The following FHIT variants were observed in gnomAD, a reference collection of about 807,000 sequenced individuals.
FHIT encodes fragile histidine triad diadenosine triphosphatase.
In FHIT, 19 loss-of-function variants were observed where a neutral mutation model predicts 17.9. The ratio of observed to expected loss-of-function variants is 1.06; its 90% CI spans 0.74 to 1.56. FHIT has a LOEUF of 1.56. FHIT is among the 40% of genes most tolerant of loss of function. The pLI, the probability that FHIT is intolerant of heterozygous loss-of-function variation, is 0.00. For missense variants in FHIT, 248 were observed against 189.2 expected (o/e 1.31, Z -1.82); for synonymous variants, 81 against 69.7 (o/e 1.16, Z -0.81).
chr3:59,817,809 A>G (rs547126066), intron 8 of FHIT, among the ~76,000 whole-genome samples: 1 of 152,258 alleles, frequency 6.6e-6, no homozygotes, highest in South Asian at 2.1e-4. Context: ...AAACATTCTC[A>G]TATTTCTTGT....
At chr3:59,897,999 A>C (rs1318901256) in intron 8 of FHIT, among the ~76,000 whole-genome samples, 2 of 151,756 alleles carry the variant, frequency 1.3e-5, no homozygotes, top group Admixed American at 6.6e-5. Flanking sequence ...GATCTCCTGA[A>C]CTTGTGATCT....
At chr3:59,818,156 A>G (rs955947363) in intron 8 of FHIT, among the ~76,000 whole-genome samples, 2 of 152,124 alleles carry the variant, frequency 1.3e-5, no homozygotes, top group African/African-American at 4.8e-5. Flanking sequence ...AGGGAGGCAG[A>G]AAACTTCAAA....
chr3:60,562,995 C>T (rs1447959), intron 4 of FHIT, among the ~76,000 whole-genome samples: 55,496 of 152,004 alleles, frequency 0.37, 10,454 homozygotes, highest in Admixed American at 0.48. Flanking sequence ...CAGAAATAAA[C>T]GCAAGCCATT....
intron 7 of FHIT, among the ~76,000 whole-genome samples, chr3:59,985,608 T>G (rs1194974865): frequency 6.6e-6 from 1 of 152,116 alleles, no homozygotes; most frequent in Non-Finnish European, 1.5e-5. Flanking sequence ...GGGCAATGAG[T>G]ACAACTTCAC....
chr3:61,051,733 T>C (rs1418597275), intron 2 of FHIT, among the ~76,000 whole-genome samples: 4 of 152,136 alleles, frequency 2.6e-5, no homozygotes, highest in Non-Finnish European at 5.9e-5. Flanking sequence ...TGCAAAGAGA[T>C]GTGGGGAGTC....
intron 8 of FHIT, among the ~76,000 whole-genome samples, chr3:59,808,064 C>T (rs72888510): frequency 0.024 from 3,720 of 151,936 alleles, 161 homozygotes; most frequent in African/African-American, 0.086. Flanking sequence ...AAACCCTGCA[C>T]CCATTAAGTG....
At chr3:61,176,357 C>T (rs1304510960) in intron 2 of FHIT, among the ~76,000 whole-genome samples, 1 of 152,192 alleles carries the variant, frequency 6.6e-6, no homozygotes, top group African/African-American at 2.4e-5. Context: ...TGTTGTTCTG[C>T]CACCAGGAAA....
At chr3:60,104,718 T>C (rs1474931186) in intron 5 of FHIT, among the ~76,000 whole-genome samples, 1 of 152,112 alleles carries the variant, frequency 6.6e-6, no homozygotes, top group African/African-American at 2.4e-5. Flanking sequence ...TAGACTTCTC[T>C]TTAAGACAGA....
intron 5 of FHIT, among the ~76,000 whole-genome samples, chr3:60,052,059 C>G (rs961455004): frequency 2.2e-4 from 33 of 152,118 alleles, no homozygotes; most frequent in African/African-American, 7.7e-4. Context: ...GGGGAAAAGT[C>G]ATACCCCATA....
At chr3:60,677,453 A>T (rs1412626855) in intron 4 of FHIT, among the ~76,000 whole-genome samples, 1 of 152,122 alleles carries the variant, frequency 6.6e-6, no homozygotes, top group Non-Finnish European at 1.5e-5. Context: ...ATGACCTCCT[A>T]TTCCATCCAT....
rs562768242 is a variant in FHIT, at chr3:60,470,176, C to T, written c.103+66684G>A. On this transcript the variant is annotated intron_variant, in intron 5 of 9. Coordinates refer to ENST00000492590, the MANE Select transcript of FHIT (RefSeq NM_002012.4). ...GGTCAGAAATGAAGCCAGCCTAACA[C>T]TGGGTCTCACCCAAGGCCTACAACA... Among the ~76,000 whole-genome samples the T allele has an allele frequency of 2.0e-5, 3 of 152,120 alleles. No homozygotes were observed. In the East Asian group the frequency reaches 5.9e-4, roughly 30 times the overall value.
chr3:59,987,576 C>T (rs3772497), intron 7 of FHIT, among the ~76,000 whole-genome samples: 64,457 of 151,838 alleles, frequency 0.42, 14,152 homozygotes, highest in Non-Finnish European at 0.48. Context: ...CAGTTTTATA[C>T]TGTAAGCTCA....
chr3:60,104,371 T>G (rs2107152484), intron 5 of FHIT, among the ~76,000 whole-genome samples: 1 of 152,316 alleles, frequency 6.6e-6, no homozygotes, highest in South Asian at 2.1e-4. Context: ...TGTAATTATC[T>G]TTGAAATGAC....
chr3:59,791,851 A>G (rs1157972070), intron 8 of FHIT, among the ~76,000 whole-genome samples: 1 of 152,188 alleles, frequency 6.6e-6, no homozygotes, highest in African/African-American at 2.4e-5. Flanking sequence ...AAAGACACCC[A>G]GAAAGTAGGG....
intron 3 of FHIT, among the ~76,000 whole-genome samples, chr3:60,832,948 A>C (rs1702385790): frequency 6.6e-6 from 1 of 152,218 alleles, no homozygotes; most frequent in African/African-American, 2.4e-5. Context: ...CTCAGTAGCC[A>C]TATATGTTGC....
At chr3:60,860,127 T>TAC (rs1703587922) in intron 3 of FHIT, among the ~76,000 whole-genome samples, 1 of 147,852 alleles carries the variant, frequency 6.8e-6, no homozygotes, top group Non-Finnish European at 1.5e-5. Flanking sequence ...ATAAATGATA[T>TAC]ATCTGATATA....
rs188727444 is a variant in FHIT at position 59,876,302 on chromosome 3, G to T, written c.348+46044C>A. On this transcript the variant is annotated intron_variant, in intron 8 of 9. Transcript: ENST00000492590. ...AAAAAAGATTATTTTTTCCTAAATG[G>T]CAATGTGAATTTCATGTGGCTTAAA... 1.0e-3 allele frequency among the ~76,000 whole-genome samples: 158 copies of T among 152,208 alleles called. 1 individual carries two copies. Among genetic ancestry groups the T allele is most frequent in the African/African-American group, 3.5e-3 (146 of 41,536 alleles).
chr3:60,955,243 C>T (rs74842701), intron 3 of FHIT, among the ~76,000 whole-genome samples: 2,588 of 152,146 alleles, frequency 0.017, 73 homozygotes, highest in African/African-American at 0.057. Flanking sequence ...GAAGGAACTA[C>T]GGCCACATGC....
intron 4 of FHIT, among the ~76,000 whole-genome samples, chr3:60,697,782 A>G (rs538571838): frequency 6.6e-6 from 1 of 152,304 alleles, no homozygotes; most frequent in East Asian, 1.9e-4. Flanking sequence ...ACCTAGACCC[A>G]AACTAATTTA....
Sources: gnomAD v4.1 joint callset for allele counts (sites outside exome capture counted in the v4.1 genomes callset) on GRCh38, gnomAD v4.1.1 for gene constraint, MANE v1.5 for transcripts, NCBI Gene and HGNC (gene_info 2026-07-23, HGNC 2026-07-21) for gene names.